Variants in HDAC9 observed in about 807,000 individuals in gnomAD.
HDAC9 encodes the protein MEF-2 interacting transcription repressor (MITR) protein.
In HDAC9, 41 loss-of-function variants were observed where a neutral mutation model predicts 139.4. The observed-to-expected ratio is 0.29, with a 90% confidence interval of 0.23 to 0.38. The LOEUF (loss-of-function observed/expected upper bound fraction) is 0.38. Among genes scored for constraint, HDAC9 ranks in the 10% least tolerant of loss-of-function variants. The probability of loss-of-function intolerance (pLI) is 1.00; values close to 1 mark genes in which losing one functional copy is unlikely to be tolerated. For synonymous variants in HDAC9, 517 were observed against 476.2 expected (o/e 1.09, Z -1.12); for missense variants, 1,147 against 1,297.0 (o/e 0.88, Z 1.78).
intron 22 of HDAC9, among the ~76,000 whole-genome samples, chr7:18,878,759 G>T (rs536471589): frequency 6.6e-6 from 1 of 151,602 alleles, no homozygotes; most frequent in East Asian, 1.9e-4. Flanking sequence ...ATAAGACAAA[G>T]ATGCCTTCTC....
intron 2 of HDAC9, chr7:18,509,313 T>G (rs1290047185): frequency 2.0e-6 from 2 of 985,318 alleles, no homozygotes; most frequent in Non-Finnish European, 2.4e-6. Flanking sequence ...TGGGGAAGCC[T>G]TTATCAATGG....
intron 1 of HDAC9, among the ~76,000 whole-genome samples, chr7:18,294,811 A>C (rs1472526757): frequency 1.3e-5 from 2 of 152,158 alleles, no homozygotes; most frequent in African/African-American, 4.8e-5. Flanking sequence ...AAACTATTTC[A>C]ATAGCTTAGT....
chr7:18,247,348 A>T (rs1794623445), intron 2 of HDAC9, among the ~76,000 whole-genome samples: 1 of 152,034 alleles, frequency 6.6e-6, no homozygotes, highest in Non-Finnish European at 1.5e-5. Context: ...ACAGAAAAAA[A>T]CTATAAAAGA....
chr7:18,470,967 A>G (rs1794678907), intron 1 of HDAC9, among the ~76,000 whole-genome samples: 1 of 151,830 alleles, frequency 6.6e-6, no homozygotes, highest in African/African-American at 2.4e-5. Context: ...TCTCTACAGT[A>G]TTGCTAGGGG....
intron 21 of HDAC9, among the ~76,000 whole-genome samples, chr7:18,860,817 A>G (rs1305737817): frequency 6.6e-6 from 1 of 152,148 alleles, no homozygotes; most frequent in Non-Finnish European, 1.5e-5. Context: ...TTATTGAGCA[A>G]TCACAGGCAA....
intron 2 of HDAC9, among the ~76,000 whole-genome samples, chr7:18,267,754 C>T (rs1347208404): frequency 6.6e-6 from 1 of 152,110 alleles, no homozygotes; most frequent in Non-Finnish European, 1.5e-5. Flanking sequence ...CTGCAGTGAA[C>T]ATGGCAGTGC....
At chr7:18,673,911 A>G (rs1170175153) in intron 12 of HDAC9, among the ~76,000 whole-genome samples, 4 of 152,046 alleles carry the variant, frequency 2.6e-5, no homozygotes, top group Admixed American at 1.3e-4. Flanking sequence ...AGTCTGCCAA[A>G]TGTTTTATTA....
chr7:18,970,383 T>G (rs1784169745), intron 24 of HDAC9, among the ~76,000 whole-genome samples: 1 of 152,188 alleles, frequency 6.6e-6, no homozygotes, highest in Non-Finnish European at 1.5e-5. Flanking sequence ...TTGAAATGAA[T>G]TTTAGTTGTA....
chr7:18,781,599 G>C (rs1299622563), intron 16 of HDAC9, among the ~76,000 whole-genome samples: 1 of 151,938 alleles, frequency 6.6e-6, no homozygotes, highest in East Asian at 1.9e-4. Flanking sequence ...CTTTTCTTGT[G>C]AATCTACTAA....
chr7:18,806,594 A>G lies in HDAC9; in HGVS notation c.2322+13142A>G, dbSNP rs1165643766. Among the ~76,000 whole-genome samples, 6 of 152,340 alleles carry G rather than the reference A, an allele frequency of 3.9e-5. No individual in the cohort carries two copies. The East Asian group carries it at 1.2e-3, about 29-fold the overall frequency. Reference sequence around the variant, plus strand: ...AAAGGCTCTATGCTTTTAAGGATGCATGTAATTATGATATTAGCTGTGCTC... The same window carrying G: ...AAAGGCTCTATGCTTTTAAGGATGCGTGTAATTATGATATTAGCTGTGCTC... On this transcript the variant is annotated intron_variant, in intron 17 of 25. Coordinates refer to ENST00000686413, the MANE Select transcript of HDAC9 (RefSeq NM_178425.4).
chr7:18,759,098 C>A (rs901636053), intron 14 of HDAC9, among the ~76,000 whole-genome samples: 1 of 152,014 alleles, frequency 6.6e-6, no homozygotes. Flanking sequence ...GTATAACTAG[C>A]GGAGAAAACT....
chr7:18,895,948 T>C (rs1403538231), intron 22 of HDAC9, among the ~76,000 whole-genome samples: 1 of 152,116 alleles, frequency 6.6e-6, no homozygotes, highest in East Asian at 1.9e-4. Context: ...TAGGTGTGGA[T>C]TTTGTATTCC....
chr7:18,256,932 A>G (rs1283105555), intron 2 of HDAC9, among the ~76,000 whole-genome samples: 2 of 147,862 alleles, frequency 1.4e-5, no homozygotes, highest in Non-Finnish European at 3.1e-5. Context: ...TACAAAAAGT[A>G]AAAAAAAATA....
At chr7:18,313,391 CTTTCAGAAGTGA>C (rs2128627429) in intron 1 of HDAC9, among the ~76,000 whole-genome samples, 1 of 152,240 alleles carries the variant, frequency 6.6e-6, no homozygotes, top group Non-Finnish European at 1.5e-5. Flanking sequence ...GCTATAAATT[CTTTCAGAAGTGA>C]TTTCAGAATT....
chr7:18,540,306 A>C (rs1812408616), intron 2 of HDAC9, among the ~76,000 whole-genome samples: 1 of 151,546 alleles, frequency 6.6e-6, no homozygotes. Context: ...TTGGGTGGGA[A>C]AGTTTATAGA....
chr7:18,980,744 TCCTTCTTCTTCTTC>T (rs1784875445), intron 25 of HDAC9, among the ~76,000 whole-genome samples: 1 of 111,598 alleles, frequency 9.0e-6, no homozygotes, highest in African/African-American at 3.1e-5. Flanking sequence ...TTCTTCTTCT[TCCTTCTTCTTCTTC>T]CTTCTTCTTC....
intron 22 of HDAC9, among the ~76,000 whole-genome samples, chr7:18,890,300 TA>T (rs1800564533): frequency 6.6e-6 from 1 of 152,228 alleles, no homozygotes; most frequent in Non-Finnish European, 1.5e-5. Context: ...TGTGTTTTGA[TA>T]ACAGCATATA....
At chr7:18,286,799 T>C (rs569217516), upstream of HDAC9, among the ~76,000 whole-genome samples, 1 of 152,308 alleles carries the variant, frequency 6.6e-6, no homozygotes, top group Admixed American at 6.5e-5. Context: ...AGGTTAACTT[T>C]ATTATTATTG....
At chr7:18,112,217 T>C (rs2128084285) in intron 1 of HDAC9, among the ~76,000 whole-genome samples, 1 of 152,362 alleles carries the variant, frequency 6.6e-6, no homozygotes, top group African/African-American at 2.4e-5. Context: ...TCTATGTTTA[T>C]TGACTCTTGT....
Sources: gnomAD v4.1 joint callset for allele counts (sites outside exome capture counted in the v4.1 genomes callset) on GRCh38, gnomAD v4.1.1 for gene constraint, MANE v1.5 for transcripts, NCBI Gene and HGNC (gene_info 2026-07-23, HGNC 2026-07-21) for gene names.